The following DLGAP1 variants were observed in gnomAD, a reference collection of about 807,000 sequenced individuals.
The protein encoded by DLGAP1 is disks large-associated protein 1.
DLGAP1 carries 11 observed loss-of-function variants against 90.8 expected under a neutral mutation model. That is an observed-to-expected ratio of 0.12 (90% confidence interval 0.08 to 0.20). The LOEUF is 0.20. Ranked by LOEUF, DLGAP1 falls within the 10% of genes least tolerant of loss-of-function variation. The pLI is 1.00. For synonymous variants in DLGAP1, 558 were observed against 540.7 expected, an observed-to-expected ratio of 1.03 and a Z score of -0.44; for missense variants, 1,050 against 1,333.8, an observed-to-expected ratio of 0.79 and a Z score of 3.31.
At chr18:3,890,873 T>C (rs1479561197) in intron 3 of DLGAP1, among the ~76,000 whole-genome samples, 1 of 152,172 alleles carries the variant, frequency 6.6e-6, no homozygotes, top group African/African-American at 2.4e-5. Flanking sequence ...GAATTACAGA[T>C]GTGCACCACT....
At chr18:4,059,859 G>A (rs1376213092) in intron 2 of DLGAP1, among the ~76,000 whole-genome samples, 2 of 152,190 alleles carry the variant, frequency 1.3e-5, no homozygotes, top group African/African-American at 4.8e-5. Flanking sequence ...ACAGGGCTAA[G>A]GAGAAAGAGA....
intron 1 of DLGAP1, among the ~76,000 whole-genome samples, chr18:4,203,264 T>C (rs1463520249): frequency 7.4e-6 from 1 of 134,726 alleles, no homozygotes; most frequent in Non-Finnish European, 1.5e-5. Flanking sequence ...AACAGAGAGA[T>C]TAAAAAAAAA....
intron 2 of DLGAP1, among the ~76,000 whole-genome samples, chr18:4,098,862 G>C (rs1483213718): frequency 5.3e-5 from 8 of 152,172 alleles, no homozygotes; most frequent in African/African-American, 1.9e-4. Context: ...ATATGGGCAA[G>C]TCAGATAGTT....
At position 3,711,753 on chromosome 18, in the gene DLGAP1, T is replaced by TGGGAGGCTC. The variant is rs2061603364; in HGVS notation, c.1591+17381_1591+17382insGAGCCTCCC. 6.6e-6 allele frequency among the ~76,000 whole-genome samples: 1 copy of TGGGAGGCTC among 151,948 alleles called. No individual in the cohort carries two copies. The highest frequency in any genetic ancestry group is 1.5e-5 in the Non-Finnish European group (1 of 67,996). On this transcript the variant is annotated intron_variant, in intron 7 of 12. Coordinates refer to ENST00000315677, the MANE Select transcript of DLGAP1 (RefSeq NM_004746.4). The surrounding 1 kb of genome is among the most constrained non-coding windows in gnomAD (Gnocchi z 4.0). ...ACTTGGGAGGCTCAGGTGGGAGGCT[T>TGGGAGGCTC]GCTTGAGCCCGGGAGATCAAGGCTG...
rs867782241 is a variant in DLGAP1 at position 3,741,017 on chromosome 18, T to C, written c.1350+1318A>G. ...CATCACCTCACCACCACCACCACCA[T>C]CACCACCACCACCACCACCATCACC... On this transcript the variant is annotated intron_variant, in intron 6 of 12. Transcript: ENST00000315677. Among the ~76,000 whole-genome samples, 184 of 36,136 alleles carry C rather than the reference T, an allele frequency of 5.1e-3. 1 individual carries two copies. Among genetic ancestry groups the C allele is most frequent in the East Asian group, 0.013 (12 of 918 alleles). 23.7% of individuals were successfully genotyped at this position (36,136 alleles called of 152,430 possible).
At chr18:3,694,752 T>A (rs1227231034) in intron 7 of DLGAP1, among the ~76,000 whole-genome samples, 1 of 152,194 alleles carries the variant, frequency 6.6e-6, no homozygotes, top group Non-Finnish European at 1.5e-5. Flanking sequence ...GTAAATTTGC[T>A]TAAGTTCCTT....
At chr18:4,293,684 T>C (rs567863318) in intron 1 of DLGAP1, 5 of 152,172 alleles carry the variant, frequency 3.3e-5, no homozygotes, top group Non-Finnish European at 7.3e-5. Flanking sequence ...GACAAAAAAC[T>C]TTAGCTCAGA....
At chr18:4,107,469 C>T (rs1021341132) in intron 2 of DLGAP1, among the ~76,000 whole-genome samples, 1 of 152,162 alleles carries the variant, frequency 6.6e-6, no homozygotes, top group African/African-American at 2.4e-5. Flanking sequence ...TTCCCCATGA[C>T]CCAGAATGGA....
intron 10 of DLGAP1, among the ~76,000 whole-genome samples, chr18:3,525,880 GC>G (rs1395643242): frequency 4.6e-5 from 7 of 152,146 alleles, no homozygotes; most frequent in African/African-American, 1.7e-4. Context: ...ACCTCTTCAT[GC>G]TTTCGTGCCC....
chr18:3,796,539 TG>T (rs1461691659), intron 5 of DLGAP1, among the ~76,000 whole-genome samples: 1 of 152,204 alleles, frequency 6.6e-6, no homozygotes, highest in African/African-American at 2.4e-5. Context: ...TCAGGTAGTG[TG>T]TTCTCTTAAG....
At chr18:4,208,130 T>TA (rs1260264087) in intron 1 of DLGAP1, among the ~76,000 whole-genome samples, 6 of 152,228 alleles carry the variant, frequency 3.9e-5, no homozygotes, top group Non-Finnish European at 8.8e-5. Context: ...CTATTCTTGA[T>TA]ACAACAATCA....
At chr18:3,781,351 ATTT>A (rs34073983) in intron 5 of DLGAP1, among the ~76,000 whole-genome samples, 6 of 140,270 alleles carry the variant, frequency 4.3e-5, no homozygotes, top group African/African-American at 5.3e-5. Flanking sequence ...GCAGCTTTCA[ATTT>A]TTTTTTTTTT....
intron 3 of DLGAP1, among the ~76,000 whole-genome samples, chr18:3,966,545 A>AT (rs1254585075): frequency 6.6e-6 from 1 of 152,160 alleles, no homozygotes; most frequent in African/African-American, 2.4e-5. Context: ...ACTAAAAAAA[A>AT]TCGGACTAGA....
rs766869482 is a variant in DLGAP1, at chr18:4,387,923, T to TCTCACACACACA, written c.-267+67082_-267+67083insTGTGTGTGTGAG. On this transcript the variant is annotated intron_variant, in intron 1 of 12. Coordinates refer to ENST00000315677, the MANE Select transcript of DLGAP1 (RefSeq NM_004746.4). ...TCCAGCCTGGGTGACAGAGACTCCA[T>TCTCACACACACA]CACACATACACACACACACACACAC... Among the ~76,000 whole-genome samples the TCTCACACACACA allele has an allele frequency of 2.1e-4, 7 of 33,684 alleles. No individual in the cohort carries two copies. In the East Asian group the frequency reaches 8.2e-3, roughly 39 times the overall value. The allele number at this position is 33,684 out of a possible 152,430, so 22.1% of individuals were successfully genotyped here.
chr18:3,994,302 C>T lies in DLGAP1; in HGVS notation c.-73+10814G>A, dbSNP rs72868222. ...TGTCCACAGCTCTAGTGCCCATAGG[C>T]TTGGGGACCCCGTTCCTTCCCTTCA... On this transcript the variant is annotated intron_variant, in intron 3 of 12. Transcript: ENST00000315677. Among the ~76,000 whole-genome samples, 358 of 152,322 alleles carry T rather than the reference C, an allele frequency of 2.4e-3. 3 individuals carry two copies. The highest frequency in any genetic ancestry group is 2.8e-3 in the Non-Finnish European group (190 of 68,020).
At chr18:3,623,653 T>C (rs994549893) in intron 7 of DLGAP1, among the ~76,000 whole-genome samples, 2 of 151,862 alleles carry the variant, frequency 1.3e-5, no homozygotes, top group Non-Finnish European at 2.9e-5. Flanking sequence ...GGCGCATGCC[T>C]GTAATCCCAG....
chr18:3,644,852 A>G (rs181548929), intron 7 of DLGAP1, among the ~76,000 whole-genome samples: 2,168 of 150,992 alleles, frequency 0.014, 66 homozygotes, highest in East Asian at 0.12. Context: ...CATAACTAGA[A>G]AGTTCTCTAT....
chr18:4,018,270 C>G (rs1599333952), intron 2 of DLGAP1, among the ~76,000 whole-genome samples: 1 of 152,168 alleles, frequency 6.6e-6, no homozygotes, highest in Non-Finnish European at 1.5e-5. Context: ...GAGGGGCACG[C>G]TGGAGTCCCG....
intron 12 of DLGAP1, chr18:3,502,074 G>T: frequency 1.2e-6 from 1 of 835,422 alleles, no homozygotes; most frequent in Non-Finnish European, 1.4e-6. Flanking sequence ...ATCAAAGTCA[G>T]TTATTTTTCA....
Sources: gnomAD v4.1 joint callset for allele counts (sites outside exome capture counted in the v4.1 genomes callset) on GRCh38, gnomAD v4.1.1 for gene constraint, Gnocchi (gnomAD v3.1) non-coding constraint, MANE v1.5 for transcripts, NCBI Gene and HGNC (gene_info 2026-07-23, HGNC 2026-07-21) for gene names.